G3BP2: variants seen among roughly 807,000 people sequenced by gnomAD.
G3BP2 encodes ras GTPase-activating protein-binding protein 2.
Under a neutral mutation model 56.7 loss-of-function variants are expected in G3BP2, and 11 were observed. The ratio of observed to expected loss-of-function variants is 0.19; its 90% CI spans 0.12 to 0.32. The LOEUF (loss-of-function observed/expected upper bound fraction) is 0.32, where lower values mean the gene tolerates loss of function less well. G3BP2 is among the 10% of genes least tolerant of loss of function. The pLI is 1.00. For synonymous variants in G3BP2, 165 were observed against 191.6 expected (o/e 0.86, Z 1.15); for missense variants, 340 against 610.9 (o/e 0.56, Z 4.67).
At chr4:75,673,438 C>T (rs1733684011), upstream of G3BP2, 1 of 1,232,236 alleles carries the variant, frequency 8.1e-7, no homozygotes, top group Non-Finnish European at 1.0e-6. Flanking sequence ...ACCGCCCCCT[C>T]TTATTGTTTT....
chr4:75,673,349 C>G lies in G3BP2; in HGVS notation c.-166G>C. The G allele has an allele frequency of 1.6e-6, 2 of 1,231,412 alleles. No homozygotes were observed. The highest frequency in any genetic ancestry group is 2.0e-6 in the Non-Finnish European group (2 of 987,546). The allele number at this position is 1,231,412 out of a possible 1,614,324, so 76.3% of individuals were successfully genotyped here. A position where few individuals can be genotyped will look rare whatever the true frequency, so the allele number is the denominator to read the frequency against. ...GGAAGCCGGAGAGCCGCGAGTTCGT[C>G]TGCCTCACAACCACCTCTTCCCGGG... On this transcript the variant is annotated 5_prime_UTR_variant, in exon 1 of 12. Coordinates refer to ENST00000359707, the MANE Select transcript of G3BP2 (RefSeq NM_203505.3).
chr4:75,717,772 AAC>A (rs1719985036), intron 3 of G3BP2, among the ~76,000 whole-genome samples: 1 of 152,124 alleles, frequency 6.6e-6, no homozygotes, highest in South Asian at 2.1e-4. Context: ...GTTGGGAGGT[AAC>A]AGTCAAATTC....
At chr4:75,698,407 C>T (rs968299542) in intron 3 of G3BP2, among the ~76,000 whole-genome samples, 4 of 152,100 alleles carry the variant, frequency 2.6e-5, no homozygotes, top group Admixed American at 6.6e-5. Flanking sequence ...AGGAAGCAGC[C>T]CTGCTGACAC....
upstream of G3BP2, among the ~76,000 whole-genome samples, chr4:75,676,168 G>T (rs1184740771): frequency 6.6e-6 from 1 of 152,086 alleles, no homozygotes; most frequent in Non-Finnish European, 1.5e-5. Flanking sequence ...CAGGAAGACT[G>T]CAGTGGCCTC....
chr4:75,656,391 C>T (rs1262736170), intron 5 of G3BP2, among the ~76,000 whole-genome samples: 3 of 151,708 alleles, frequency 2.0e-5, no homozygotes, highest in Non-Finnish European at 4.4e-5. Context: ...TTATTGTACT[C>T]TATTAGAAAA....
intron 3 of G3BP2, among the ~76,000 whole-genome samples, chr4:75,688,663 A>G (rs180739123): frequency 3.0e-4 from 45 of 152,266 alleles, no homozygotes; most frequent in African/African-American, 1.0e-3. Context: ...TGATTCACAA[A>G]AATCCTCCTT....
chr4:75,723,103 G>C (rs1485697425), intron 1 of G3BP2, among the ~76,000 whole-genome samples: 1 of 152,176 alleles, frequency 6.6e-6, no homozygotes, highest in Non-Finnish European at 1.5e-5. Context: ...TGTCAGAGTT[G>C]AGCCTTAAGG....
chr4:75,719,316 C>T (rs545738745), intron 3 of G3BP2, among the ~76,000 whole-genome samples: 194 of 142,312 alleles, frequency 1.4e-3, no homozygotes, highest in Non-Finnish European at 1.7e-3. Context: ...CCACTGCACT[C>T]CAGCCTGGGC....
Position 75,645,466 on chromosome 4 carries a change from C to T in G3BP2, c.1413G>A (p.Gly471=). 6.2e-7 allele frequency: 1 copy of T among 1,614,120 alleles called. No homozygotes were observed. Among genetic ancestry groups the T allele is most frequent in the East Asian group, 2.2e-5 (1 of 44,880 alleles). ...GTCCTGTGAAGCGGCCCTCCATTTGCCCGGTTCCTCTTCCAGAGCCAAGTT... is the reference window on the plus strand; with the variant it reads ...GTCCTGTGAAGCGGCCCTCCATTTGTCCGGTTCCTCTTCCAGAGCCAAGTT... ...AQKLGSGRGT[G]QMEGRFTGQR... Residue 471 remains glycine, a synonymous_variant, in exon 12 of 12, where the codon GGG becomes GGA. Transcript: ENST00000359707.
chr4:75,671,587 A>T (rs988536093), intron 1 of G3BP2, among the ~76,000 whole-genome samples: 2 of 152,156 alleles, frequency 1.3e-5, no homozygotes, highest in Admixed American at 6.5e-5. Context: ...TTTTTTCACT[A>T]TTACTAATAT....
At chr4:75,715,964 G>A (rs928684522) in intron 3 of G3BP2, among the ~76,000 whole-genome samples, 3 of 152,190 alleles carry the variant, frequency 2.0e-5, no homozygotes, top group Admixed American at 1.3e-4. Flanking sequence ...GAAGGAGACC[G>A]GCTGCTGCAA....
chr4:75,705,965 A>T (rs1045161235), intron 3 of G3BP2, among the ~76,000 whole-genome samples: 1 of 152,154 alleles, frequency 6.6e-6, no homozygotes, highest in Non-Finnish European at 1.5e-5. Flanking sequence ...TACACAATAT[A>T]TATACATATA....
At position 75,645,689 on chromosome 4, in the gene G3BP2, C is replaced by T. The variant is rs1731163524; in HGVS notation, c.1190G>A (p.Arg397Gln). The T allele has an allele frequency of 7.4e-6, 12 of 1,613,746 alleles. No homozygotes were observed. The highest frequency in any genetic ancestry group is 9.3e-6 in the Non-Finnish European group (11 of 1,179,874). ...TTCCACATTTAAACGTACTTCCCCT[C>T]GAAACATAATCGGCTTTATAAAAGA... ...RILIAKPIMF[R>Q]GEVRLNVEEK... is the part of the protein sequence containing the mutation. Residue 397 changes from arginine to glutamine, a missense_variant, in exon 12 of 12, where the codon CGA (arginine) becomes CAA (glutamine). Arg to Gln is a conservative substitution (Grantham distance 43). Coordinates refer to ENST00000359707, the MANE Select transcript of G3BP2 (RefSeq NM_203505.3).
Position 75,657,691 on chromosome 4 carries a change from A to T in G3BP2, c.217T>A (p.Cys73Ser). ...TCCACATGACGAATTTTAGTATGAC[A>T]TTCACTGAAGTTCAGAGATAATACT... ...HKVLSLNFSE[C>S]HTKIRHVDAH... Residue 73 changes from cysteine to serine, a missense_variant, in exon 4 of 12, where the codon TGT becomes AGT. Cys to Ser is a moderately radical substitution (Grantham distance 112, BLOSUM62 -1). This residue lies in a region of G3BP2 where 224 missense variants were observed against 332.5 expected (regional missense o/e 0.67). Coordinates refer to ENST00000359707, the MANE Select transcript of G3BP2 (RefSeq NM_203505.3). 1 of 1,612,822 alleles carries T rather than the reference A, an allele frequency of 6.2e-7. No homozygotes were observed. Among genetic ancestry groups the T allele is most frequent in the Non-Finnish European group, 8.5e-7 (1 of 1,178,880 alleles).
chr4:75,692,602 A>AC (rs1718909716), intron 3 of G3BP2, among the ~76,000 whole-genome samples: 1 of 151,814 alleles, frequency 6.6e-6, no homozygotes, highest in African/African-American at 2.4e-5. Flanking sequence ...GAGCCACTGC[A>AC]CCCGGCGTCA....
chr4:75,669,117 C>T (rs758831194), intron 1 of G3BP2, among the ~76,000 whole-genome samples: 2 of 152,160 alleles, frequency 1.3e-5, no homozygotes, highest in African/African-American at 2.4e-5. Flanking sequence ...CTCATCCAAA[C>T]GCAGAATTTC....
intron 8 of G3BP2, among the ~76,000 whole-genome samples, chr4:75,653,709 T>C (rs1292568051): frequency 1.3e-5 from 2 of 151,856 alleles, no homozygotes; most frequent in African/African-American, 4.8e-5. Context: ...AAAAGGAACA[T>C]TCTTTTTGTT....
chr4:75,683,671 T>C (rs62318486), intron 3 of G3BP2, among the ~76,000 whole-genome samples: 89 of 152,348 alleles, frequency 5.8e-4, no homozygotes, highest in Non-Finnish European at 1.1e-3. Flanking sequence ...CTGACCTATA[T>C]GCCTCTGTTG....
At position 75,721,051 on chromosome 4, in the gene G3BP2, A is replaced by T. The variant is rs141049671; in HGVS notation, c.-117-82T>A. 5.6e-4 allele frequency among the ~76,000 whole-genome samples: 84 copies of T among 151,098 alleles called. No individual in the cohort carries two copies. In the East Asian group the frequency reaches 0.015, roughly 26 times the overall value. The stretch of plus-strand genomic sequence containing the variant: ...TCCTAGCTACTCAGGAGGCTGAGGC[A>T]GGAAGAGCTCTTGAACCCAGGAGTT... On this transcript the variant is annotated intron_variant, in intron 2 of 3. Transcript: ENST00000499709.
Sources: allele counts gnomAD v4.1 joint callset (sites outside exome capture counted in the v4.1 genomes callset), GRCh38; gene constraint gnomAD v4.1.1; regional missense constraint gnomAD v4.1.1; transcripts MANE v1.5; gene names NCBI Gene and HGNC (gene_info 2026-07-23, HGNC 2026-07-21).